The following KMT2E variants were observed in gnomAD, a reference collection of about 807,000 sequenced individuals.
The protein encoded by KMT2E is histone reader KMT2E.
KMT2E carries 30 observed loss-of-function variants against 184.6 expected under a neutral mutation model. That is an observed-to-expected ratio of 0.16 (90% CI 0.12 to 0.22). The LOEUF (loss-of-function observed/expected upper bound fraction) is 0.22. Among genes scored for constraint, KMT2E ranks in the 10% least tolerant of loss-of-function variants. The probability of loss-of-function intolerance (pLI) is 1.00; values close to 1 mark genes in which losing one functional copy is unlikely to be tolerated. For synonymous variants in KMT2E, 815 were observed against 776.5 expected (o/e 1.05, Z -0.82); for missense variants, 2,023 against 2,237.4 (o/e 0.90, Z 1.93).
In KMT2E at chr7:105,029,044, C is replaced by G. The variant is rs148343923; in HGVS notation, c.-188-9082C>G. ...CTTTGGGAGGACGAGGTAGGTGGAT[C>G]ACTTGAAGTCAGGAGTTCGAGACTA... On this transcript the variant is annotated intron_variant, in intron 1 of 26. Transcript: ENST00000311117. Among the ~76,000 whole-genome samples the G allele has an allele frequency of 3.0e-3, 456 of 152,136 alleles. 15 individuals carry two copies. The East Asian group carries it at 0.063, about 21-fold the overall frequency.
At chr7:105,051,231 G>A (rs935712738) in intron 3 of KMT2E, among the ~76,000 whole-genome samples, 1 of 150,354 alleles carries the variant, frequency 6.7e-6, no homozygotes, top group African/African-American at 2.5e-5. Flanking sequence ...TGTTGCCCAG[G>A]CTGGAGTGCA....
Position 105,014,251 on chromosome 7 carries a change from A to G in KMT2E, c.-473A>G, listed in dbSNP as rs953252278. ...GAGCGGGCGCAGGGGGCCGAGTCGG[A>G]GACCGTGCCGGAGTTCGGGAGCGGC... On this transcript the variant is annotated 5_prime_UTR_variant, in exon 1 of 27. Coordinates refer to ENST00000311117, the MANE Select transcript of KMT2E (RefSeq NM_182931.3). 1.7e-5 allele frequency: 3 copies of G among 179,368 alleles called. No homozygotes were observed. Among genetic ancestry groups the G allele is most frequent in the Non-Finnish European group, 2.3e-5 (2 of 87,700 alleles). The allele number at this position is 179,368 out of a possible 1,614,324, so 11.1% of individuals were successfully genotyped here. A position where few individuals can be genotyped will look rare whatever the true frequency, so the allele number is the denominator to read the frequency against.
At chr7:105,080,625 T>C (rs1195059353) in intron 12 of KMT2E, among the ~76,000 whole-genome samples, 1 of 152,252 alleles carries the variant, frequency 6.6e-6, no homozygotes, top group Non-Finnish European at 1.5e-5. Context: ...AAAAAGGTGA[T>C]ATGAAGACTG....
At chr7:105,087,342 C>A (rs1048875145) in intron 13 of KMT2E, among the ~76,000 whole-genome samples, 3 of 146,360 alleles carry the variant, frequency 2.0e-5, no homozygotes, top group East Asian at 2.1e-4. Context: ...TATGCTAGCT[C>A]ATGTTGAATG....
intron 6 of KMT2E, among the ~76,000 whole-genome samples, chr7:105,072,272 C>T (rs1398949783): frequency 6.6e-6 from 1 of 151,926 alleles, no homozygotes. Flanking sequence ...GAGCCAAGGT[C>T]GCACCACGGA....
At chr7:105,015,213 A>G (rs1794665103) in intron 1 of KMT2E, among the ~76,000 whole-genome samples, 1 of 152,188 alleles carries the variant, frequency 6.6e-6, no homozygotes, top group Admixed American at 6.5e-5. Context: ...TAGGATCTAC[A>G]ATATGGCTCA....
chr7:105,057,644 G>C (rs932321310), intron 3 of KMT2E, among the ~76,000 whole-genome samples: 2 of 152,028 alleles, frequency 1.3e-5, no homozygotes, highest in Non-Finnish European at 2.9e-5. Flanking sequence ...ATAGAGGTGG[G>C]ATCTTGCTGT....
intron 7 of KMT2E, 48 bp downstream of exon 7, chr7:105,073,725 A>T (rs1797422571): frequency 2.7e-6 from 3 of 1,104,868 alleles, no homozygotes; most frequent in Non-Finnish European, 4.1e-6. Flanking sequence ...TGATTGAGAG[A>T]ATAAACGGTT....
At chr7:105,087,289 AAT>A (rs1021916068) in intron 13 of KMT2E, among the ~76,000 whole-genome samples, 4 of 146,844 alleles carry the variant, frequency 2.7e-5, no homozygotes, top group Non-Finnish European at 3.0e-5. Flanking sequence ...AATATGATAT[AAT>A]ATATATAATA....
intron 6 of KMT2E, among the ~76,000 whole-genome samples, chr7:105,069,517 A>G (rs555325894): frequency 1.3e-5 from 2 of 152,334 alleles, no homozygotes; most frequent in East Asian, 3.9e-4. Context: ...TATGGTCAAT[A>G]TTGTGTTTTA....
At chr7:105,031,170 A>G (rs1795397962) in intron 1 of KMT2E, among the ~76,000 whole-genome samples, 1 of 151,488 alleles carries the variant, frequency 6.6e-6, no homozygotes, top group South Asian at 2.1e-4. Context: ...CAGCCTGGCC[A>G]ACATGGTGAA....
intron 4 of KMT2E, among the ~76,000 whole-genome samples, chr7:105,062,881 T>C (rs1315364500): frequency 6.6e-6 from 1 of 151,976 alleles, no homozygotes; most frequent in Admixed American, 6.6e-5. Flanking sequence ...ACTTACTACT[T>C]GGACCAGAAT....
intron 3 of KMT2E, among the ~76,000 whole-genome samples, chr7:105,051,766 G>A (rs1032438311): frequency 2.6e-5 from 4 of 151,862 alleles, no homozygotes; most frequent in African/African-American, 7.3e-5. Context: ...CTACAGGTGC[G>A]CGCCACCACG....
intron 14 of KMT2E, among the ~76,000 whole-genome samples, chr7:105,090,528 T>A (rs1798158705): frequency 6.6e-6 from 1 of 152,214 alleles, no homozygotes; most frequent in South Asian, 2.1e-4. Context: ...AGATAACTTT[T>A]AAAAATCTTC....
chr7:105,090,045 C>A lies in KMT2E; in HGVS notation c.1395C>A (p.Asn465Lys). The part of the protein sequence containing the change: ...YKVDCACLKE[N>K]PECPVLKRSS... ...TGGACTGTGCATGCCTCAAAGAAAA[C>A]CCAGAGTGCCCTGTTCTAAAACGTA... The change falls in exon 14 of 27, where the codon AAC (asparagine) becomes AAA (lysine). Residue 465 changes from asparagine to lysine, a missense_variant. Physicochemically the swap from Asn to Lys is moderately conservative, Grantham distance 94. Transcript: ENST00000311117. 1 of 1,613,406 alleles carries A rather than the reference C, an allele frequency of 6.2e-7. No individual in the cohort carries two copies. Among genetic ancestry groups the A allele is most frequent in the Admixed American group, 1.7e-5 (1 of 59,904 alleles).
intron 14 of KMT2E, among the ~76,000 whole-genome samples, chr7:105,090,891 T>C (rs7784126): frequency 6.6e-6 from 1 of 151,948 alleles, no homozygotes. Flanking sequence ...ACAAACACTT[T>C]TTGAGCACTG....
At chr7:105,100,683 A>G (rs935789520) in intron 15 of KMT2E, among the ~76,000 whole-genome samples, 10 of 152,338 alleles carry the variant, frequency 6.6e-5, no homozygotes, top group South Asian at 2.1e-4. Flanking sequence ...GGAATACTTT[A>G]TAAGAATTAC....
intron 1 of KMT2E, among the ~76,000 whole-genome samples, chr7:105,025,643 T>C (rs994108808): frequency 6.6e-6 from 1 of 152,190 alleles, no homozygotes; most frequent in Non-Finnish European, 1.5e-5. Flanking sequence ...TGAATGCTCA[T>C]GGAAGTTATA....
chr7:105,070,181 C>A (rs1328539562), intron 6 of KMT2E, among the ~76,000 whole-genome samples: 1 of 151,712 alleles, frequency 6.6e-6, no homozygotes, highest in Non-Finnish European at 1.5e-5. Context: ...AGTTGTTTTT[C>A]CCCCTCTCTG....
Sources: gnomAD v4.1 joint callset for allele counts (sites outside exome capture counted in the v4.1 genomes callset) on GRCh38, gnomAD v4.1.1 for gene constraint, MANE v1.5 for transcripts, NCBI Gene and HGNC (gene_info 2026-07-23, HGNC 2026-07-21) for gene names.